CPQ: variants seen among roughly 807,000 people sequenced by gnomAD.
CPQ encodes carboxypeptidase Q, also known as Ser-Met dipeptidase.
In CPQ, 37 loss-of-function variants were observed where a neutral mutation model predicts 45.7. The ratio of observed to expected loss-of-function variants is 0.81; its 90% CI spans 0.62 to 1.07. The LOEUF (loss-of-function observed/expected upper bound fraction) is 1.07. Ranked by LOEUF, CPQ falls within the 50% of genes least tolerant of loss-of-function variation. CPQ has a pLI of 0.00. For synonymous variants in CPQ, 186 were observed against 205.8 expected, an observed-to-expected ratio of 0.90 and a Z score of 0.82; for missense variants, 537 against 572.9, an observed-to-expected ratio of 0.94 and a Z score of 0.64.
At chr8:97,012,305 A>G (rs1809501372) in intron 5 of CPQ, among the ~76,000 whole-genome samples, 1 of 152,208 alleles carries the variant, frequency 6.6e-6, no homozygotes. Flanking sequence ...TTCTTTTATG[A>G]AATAGAATTC....
At chr8:96,864,079 G>A (rs565069762) in intron 3 of CPQ, among the ~76,000 whole-genome samples, 24 of 152,116 alleles carry the variant, frequency 1.6e-4, no homozygotes, top group South Asian at 6.2e-4. Context: ...AGACATTTAC[G>A]GAAATAGCTG....
chr8:97,022,569 G>T (rs1352510698), intron 5 of CPQ, among the ~76,000 whole-genome samples: 1 of 151,964 alleles, frequency 6.6e-6, no homozygotes, highest in Non-Finnish European at 1.5e-5. Context: ...GTGGGCTAAA[G>T]ACATGAATAG....
chr8:96,883,150 A>G (rs1447241583), intron 4 of CPQ, among the ~76,000 whole-genome samples: 6 of 152,226 alleles, frequency 3.9e-5, no homozygotes, highest in African/African-American at 1.4e-4. Flanking sequence ...GTACAGATAT[A>G]TGACAATTCG....
At chr8:96,795,084 T>C (rs1810910606) in intron 2 of CPQ, among the ~76,000 whole-genome samples, 1 of 152,204 alleles carries the variant, frequency 6.6e-6, no homozygotes, top group Non-Finnish European at 1.5e-5. Context: ...TGGGTATCTT[T>C]TCAGCAGCGC....
chr8:96,758,983 C>T (rs181067722), intron 1 of CPQ, among the ~76,000 whole-genome samples: 17 of 152,290 alleles, frequency 1.1e-4, no homozygotes, highest in Admixed American at 3.9e-4. Flanking sequence ...GCTCCTACTC[C>T]TGTTTTTTCC....
At chr8:96,854,301 G>A (rs1370938322) in intron 3 of CPQ, among the ~76,000 whole-genome samples, 1 of 151,706 alleles carries the variant, frequency 6.6e-6, no homozygotes, top group African/African-American at 2.4e-5. Flanking sequence ...GGAGGCCGAG[G>A]CGGGCGGATC....
chr8:96,896,256 T>G (rs1812440634), intron 4 of CPQ, among the ~76,000 whole-genome samples: 1 of 152,164 alleles, frequency 6.6e-6, no homozygotes, highest in African/African-American at 2.4e-5. Flanking sequence ...TGGCTCTATA[T>G]TACTATGCCC....
intron 2 of CPQ, among the ~76,000 whole-genome samples, chr8:96,831,281 A>C (rs1195001000): frequency 2.6e-5 from 4 of 151,978 alleles, no homozygotes; most frequent in Non-Finnish European, 5.9e-5. Flanking sequence ...GCACTATTTC[A>C]GGCACTTGGA....
intron 7 of CPQ, among the ~76,000 whole-genome samples, chr8:97,136,411 C>G (rs535048174): frequency 6.6e-6 from 1 of 152,122 alleles, no homozygotes; most frequent in Non-Finnish European, 1.5e-5. Context: ...TGTATAACAA[C>G]TATAATAAAG....
At position 97,065,776 on chromosome 8, in the gene CPQ, A is replaced by AT. The variant is rs1180625841; in HGVS notation, c.1054-226dup. Among the ~76,000 whole-genome samples the AT allele has an allele frequency of 3.9e-5, 6 of 152,200 alleles. No homozygotes were observed. The South Asian group carries it at 1.0e-3, about 26-fold the overall frequency. On this transcript the variant is annotated intron_variant, in intron 6 of 7. Coordinates refer to ENST00000220763, the MANE Select transcript of CPQ (RefSeq NM_016134.4). ...GGGGCTTTATATTTCCCTTCATTAT[A>AT]TTTTTTTAATCCTTTCAAGCCAACT...
intron 5 of CPQ, among the ~76,000 whole-genome samples, chr8:97,003,829 C>G (rs940014178): frequency 6.6e-6 from 1 of 152,090 alleles, no homozygotes; most frequent in African/African-American, 2.4e-5. Flanking sequence ...TACTTTGAAC[C>G]TCATCATTCT....
chr8:96,717,086 TAC>T (rs112733642), intron 1 of CPQ, among the ~76,000 whole-genome samples: 6 of 121,904 alleles, frequency 4.9e-5, no homozygotes, highest in Non-Finnish European at 6.8e-5. Context: ...TACGTATATA[TAC>T]ACACACACAC....
chr8:96,787,210 A>T (rs530494808), intron 2 of CPQ, among the ~76,000 whole-genome samples: 2 of 152,066 alleles, frequency 1.3e-5, no homozygotes, highest in South Asian at 4.1e-4. Flanking sequence ...TCTTACATTT[A>T]TATCTGTGAA....
chr8:96,854,263 G>A (rs574732351), intron 3 of CPQ, among the ~76,000 whole-genome samples: 7 of 152,042 alleles, frequency 4.6e-5, no homozygotes, highest in African/African-American at 1.7e-4. Flanking sequence ...CGGGCGCGGT[G>A]GCTCACGCCT....
chr8:97,048,594 C>T (rs993775487), intron 6 of CPQ, among the ~76,000 whole-genome samples: 1 of 152,152 alleles, frequency 6.6e-6, no homozygotes, highest in African/African-American at 2.4e-5. Context: ...TACTTTCTTT[C>T]CCAAACTGTT....
At chr8:97,006,799 G>A (rs1455274103) in intron 5 of CPQ, among the ~76,000 whole-genome samples, 2 of 152,186 alleles carry the variant, frequency 1.3e-5, no homozygotes, top group East Asian at 1.9e-4. Flanking sequence ...AACATCGGGG[G>A]CTGGAAATTG....
chr8:96,917,235 A>T (rs1812745516), intron 4 of CPQ, among the ~76,000 whole-genome samples: 1 of 152,136 alleles, frequency 6.6e-6, no homozygotes, highest in South Asian at 2.1e-4. Context: ...TAATTCTTCC[A>T]CACAGGAGAT....
In CPQ at chr8:96,957,806, C is replaced by CA. The variant is rs559725927; in HGVS notation, c.850-8117dup. On this transcript the variant is annotated intron_variant, in intron 4 of 7. Transcript: ENST00000220763. The stretch of plus-strand genomic sequence containing the variant: ...TGAGTGAAACTGTGTCTCAAAAAAA[C>CA]AAAAAAAAAAAAGTCTGTAGGGTAC... 8.2e-4 allele frequency among the ~76,000 whole-genome samples: 105 copies of CA among 128,564 alleles called. 2 individuals carry two copies. The South Asian group carries it at 8.5e-3, about 10-fold the overall frequency. 84.3% of individuals were successfully genotyped at this position (128,564 alleles called of 152,430 possible). A position where few individuals can be genotyped will look rare whatever the true frequency, so the allele number is the denominator to read the frequency against.
chr8:96,782,876 AG>A (rs1810707781), intron 1 of CPQ, among the ~76,000 whole-genome samples: 1 of 152,192 alleles, frequency 6.6e-6, no homozygotes, highest in Non-Finnish European at 1.5e-5. Flanking sequence ...GACACACTTT[AG>A]CCAAGTTTTT....
Sources: allele counts gnomAD v4.1 joint callset (sites outside exome capture counted in the v4.1 genomes callset), GRCh38; gene constraint gnomAD v4.1.1; transcripts MANE v1.5; gene names NCBI Gene and HGNC (gene_info 2026-07-23, HGNC 2026-07-21).